PAPLN: variants seen among roughly 807,000 people sequenced by gnomAD.
The protein encoded by PAPLN is papilin.
In PAPLN, 146 loss-of-function variants were observed where a neutral mutation model predicts 159.0. That is an observed-to-expected ratio of 0.92 (90% CI 0.80 to 1.05). The LOEUF (loss-of-function observed/expected upper bound fraction) is 1.05, where lower values mean the gene tolerates loss of function less well. PAPLN is among the 50% of genes least tolerant of loss of function. The probability of loss-of-function intolerance (pLI) is 0.00; values close to 1 mark genes in which losing one functional copy is unlikely to be tolerated. For missense variants in PAPLN, 1,720 were observed against 1,743.9 expected (o/e 0.99, Z 0.24); for synonymous variants, 734 against 702.9 (o/e 1.04, Z -0.70).
intron 1 of PAPLN, among the ~76,000 whole-genome samples, chr14:73,238,485 C>CT (rs1477236957): frequency 2.6e-5 from 4 of 152,256 alleles, no homozygotes; most frequent in Admixed American, 1.3e-4. Flanking sequence ...CAGATATGGG[C>CT]TTGGAGTTCA....
chr14:73,250,557 C>T (rs1885129926), intron 6 of PAPLN, among the ~76,000 whole-genome samples: 1 of 152,156 alleles, frequency 6.6e-6, no homozygotes, highest in African/African-American at 2.4e-5. Flanking sequence ...GCCTCATTCC[C>T]AGGAGTTCTA....
intron 26 of PAPLN, among the ~76,000 whole-genome samples, chr14:73,269,103 TCCACTCTAAA>T (rs1241800195): frequency 1.3e-5 from 2 of 152,222 alleles, no homozygotes; most frequent in African/African-American, 4.8e-5. Context: ...TCCACTCTAA[TCCACTCTAAA>T]CCACTAAAAT....
intron 1 of PAPLN, among the ~76,000 whole-genome samples, chr14:73,239,196 A>G (rs1566665784): frequency 6.6e-6 from 1 of 151,900 alleles, no homozygotes; most frequent in African/African-American, 2.4e-5. Context: ...ACGCTGCACC[A>G]CGCACACTGC....
chr14:73,244,644 GCTC>G lies in PAPLN; in HGVS notation c.57_59del (p.Pro20del). On this transcript the variant is annotated inframe_deletion and splice_region_variant, in exon 3 of 27. Transcript: ENST00000644200. Reference sequence around the variant, plus strand: ...TGATGCATGGTCCTGTCTTCTGCAGGCTCCCAAGGTGAGGCGGCAGAGTGACAC... The same window carrying G: ...TGATGCATGGTCCTGTCTTCTGCAGGCCAAGGTGAGGCGGCAGAGTGACAC... 1 of 1,572,216 alleles carries G rather than the reference GCTC, an allele frequency of 6.4e-7. No homozygotes were observed. Among genetic ancestry groups the G allele is most frequent in the South Asian group, 1.2e-5 (1 of 85,266 alleles).
rs1885595159 is a variant in PAPLN at position 73,253,910 on chromosome 14, G to A, written c.1251G>A (p.Gln417=). Residue 417 remains glutamine, a synonymous_variant, in exon 12 of 27, where the codon CAG becomes CAA. Transcript: ENST00000644200. ...AGLPGKPPAI[Q]ACNLQRCAAW... Reference sequence around the variant, plus strand: ...TGCCTGGGAAGCCCCCTGCCATTCAGGCCTGTAACCTGCAGCGCTGTGCAG... The same window carrying A: ...TGCCTGGGAAGCCCCCTGCCATTCAAGCCTGTAACCTGCAGCGCTGTGCAG... The A allele has an allele frequency of 6.2e-7, 1 of 1,613,280 alleles. No individual in the cohort carries two copies. Among genetic ancestry groups the A allele is most frequent in the Non-Finnish European group, 8.5e-7 (1 of 1,179,920 alleles).
chr14:73,238,405 C>T (rs1883195933), intron 1 of PAPLN, among the ~76,000 whole-genome samples: 1 of 152,232 alleles, frequency 6.6e-6, no homozygotes, highest in Non-Finnish European at 1.5e-5. Flanking sequence ...CCCGGACTGG[C>T]CTTGGAGTTG....
chr14:73,269,998 G>A (rs982133941), intron 26 of PAPLN, among the ~76,000 whole-genome samples: 3 of 152,214 alleles, frequency 2.0e-5, no homozygotes, highest in Non-Finnish European at 4.4e-5. Context: ...TTTAGAGATC[G>A]CCTCCCCAGG....
chr14:73,269,600 T>TC (rs1887521915), intron 26 of PAPLN, among the ~76,000 whole-genome samples: 1 of 152,222 alleles, frequency 6.6e-6, no homozygotes, highest in Admixed American at 6.5e-5. Context: ...AGAGATATGT[T>TC]CAAATAAGCA....
chr14:73,270,679 C>G (rs1038070249), intron 26 of PAPLN, among the ~76,000 whole-genome samples: 1 of 152,170 alleles, frequency 6.6e-6, no homozygotes, highest in Admixed American at 6.5e-5. Context: ...ATTATGTTTG[C>G]GATTAGCTCC....
In PAPLN at chr14:73,244,720, G is replaced by T. The variant is rs1884001750; in HGVS notation, c.131G>T (p.Gly44Val). ...QWSPCSRTCG[G>V]GVSFRERPCY... The stretch of plus-strand genomic sequence containing the variant: ...AGCCCCTGCAGCCGGACCTGTGGAG[G>T]GGGTGTCAGCTTCCGGGAGCGCCCC... The change falls in exon 3 of 27, where the codon GGG (glycine) becomes GTG (valine). Residue 44 changes from glycine (G) to valine (V), a missense_variant. Coordinates refer to ENST00000644200, the MANE Select transcript of PAPLN (RefSeq NM_001365906.3). The T allele has an allele frequency of 1.3e-6, 2 of 1,594,330 alleles. No homozygotes were observed. The highest frequency in any genetic ancestry group is 1.7e-5 in the Admixed American group (1 of 57,172).
rs1380736511 is a variant in PAPLN, at chr14:73,268,722, A to C, written c.3666A>C (p.Pro1222=). The C allele has an allele frequency of 1.2e-5, 19 of 1,608,146 alleles. No individual in the cohort carries two copies. Among genetic ancestry groups the C allele is most frequent in the Non-Finnish European group, 1.6e-5 (19 of 1,177,190 alleles). Residue 1222 remains proline (P), a splice_region_variant and synonymous_variant, in exon 26 of 27, where the codon CCA becomes CCC. Transcript: ENST00000644200. ...GCACCGAGGTGAAGGTGGTCTCACC[A>C]GGTAGGAAAGGTCTATATCCGGGGA... ...SRSTEVKVVS[P]APTAQPRDPG...
At chr14:73,264,059 C>T (rs1201127860) in intron 20 of PAPLN, 152 bp from the exon 21 acceptor site, 5 of 1,496,074 alleles carry the variant, frequency 3.3e-6, no homozygotes, top group Non-Finnish European at 3.6e-6. Flanking sequence ...GTGTGACAGC[C>T]TCCCCTGAAG....
chr14:73,256,861 G>A (rs969058667), intron 14 of PAPLN, among the ~76,000 whole-genome samples: 1 of 151,986 alleles, frequency 6.6e-6, no homozygotes, highest in African/African-American at 2.4e-5. Context: ...TCCAGCCTGG[G>A]TGACAGAGCA....
In PAPLN at chr14:73,272,661, G is replaced by A. The variant is rs41310938; in HGVS notation, c.3834G>A (p.Gln1278=). Residue 1278 remains glutamine (Q), a synonymous_variant, in exon 27 of 27, where the codon CAG becomes CAA. Transcript: ENST00000644200. ...AGCCTCACGCTCAGCCCATCTGGCA[G>A]TAGGGATGAAGGCTAGTTCCAGCCC... ...RFQPHAQPIW[Q] The A allele has an allele frequency of 0.025, 39,754 of 1,568,012 alleles. 2,539 individuals carry two copies. The highest frequency in any genetic ancestry group is 0.18 in the African/African-American group (13,121 of 74,226).
intron 6 of PAPLN, among the ~76,000 whole-genome samples, chr14:73,250,464 C>G (rs1257526573): frequency 6.6e-6 from 1 of 152,182 alleles, no homozygotes; most frequent in African/African-American, 2.4e-5. Context: ...AGGATCTGGC[C>G]CATTCTTCCC....
chr14:73,247,836 G>GGTGGCGATCGTGGC (rs1884675585), intron 5 of PAPLN, among the ~76,000 whole-genome samples: 1 of 133,832 alleles, frequency 7.5e-6, no homozygotes, highest in Non-Finnish European at 1.6e-5. Flanking sequence ...GTGTGTGTGT[G>GGTGGCGATCGTGGC]TGTGGTGGCG....
chr14:73,252,523 CG>C (rs777966524), intron 10 of PAPLN, 125 bp from the exon 11 acceptor site: 34 of 1,294,718 alleles, frequency 2.6e-5, no homozygotes, highest in South Asian at 7.9e-5. Context: ...GCACCTGCCT[CG>C]GGGGGGTCAT....
chr14:73,260,645 G>A, intron 16 of PAPLN, 64 bp from the exon 17 acceptor site: 1 of 1,380,626 alleles, frequency 7.2e-7, no homozygotes, highest in Non-Finnish European at 9.4e-7. Flanking sequence ...CAGAGCCTGG[G>A]TCCTGGGATG....
At chr14:73,244,818 G>T in intron 3 of PAPLN, 59 bp downstream of exon 3, 1 of 1,391,174 alleles carries the variant, frequency 7.2e-7, no homozygotes, top group Non-Finnish European at 9.7e-7. Flanking sequence ...GCTGCCTTCT[G>T]GGTGGTGGGC....
Sources: gnomAD v4.1 joint callset for allele counts (sites outside exome capture counted in the v4.1 genomes callset) on GRCh38, gnomAD v4.1.1 for gene constraint, MANE v1.5 for transcripts, NCBI Gene and HGNC (gene_info 2026-07-23, HGNC 2026-07-21) for gene names.